UBR2: variants seen among roughly 807,000 people sequenced by gnomAD.
UBR2 encodes ubiquitin protein ligase E3 component n-recognin 2.
Under a neutral mutation model 247.9 loss-of-function variants are expected in UBR2, and 92 were observed. The ratio of observed to expected loss-of-function variants is 0.37; its 90% confidence interval spans 0.31 to 0.44. The LOEUF (loss-of-function observed/expected upper bound fraction) is 0.44. Ranked by LOEUF, UBR2 falls within the 20% of genes least tolerant of loss-of-function variation. The pLI, the probability that UBR2 is intolerant of heterozygous loss-of-function variation, is 1.00. For synonymous variants in UBR2, 672 were observed against 693.5 expected (o/e 0.97, Z 0.49); for missense variants, 1,613 against 2,112.6 (o/e 0.76, Z 4.64).
At position 42,670,645 on chromosome 6, in the gene UBR2, A is replaced by T. The variant is rs1465205714; in HGVS notation, c.4031-15A>T. 6.4e-7 allele frequency: 1 copy of T among 1,565,740 alleles called. No homozygotes were observed. The highest frequency in any genetic ancestry group is 8.7e-7 in the Non-Finnish European group (1 of 1,149,538). On this transcript the variant is annotated splice_polypyrimidine_tract_variant and intron_variant, in intron 35 of 46. Transcript: ENST00000372901. ...TAACATAACATTTACCATTTTAACC[A>T]TCTTTAATCTGTAGAAAGAATTTTG...
intron 8 of UBR2, among the ~76,000 whole-genome samples, chr6:42,612,659 A>C (rs1794170707): frequency 6.6e-6 from 1 of 152,228 alleles, no homozygotes; most frequent in Non-Finnish European, 1.5e-5. Context: ...AGCTGGAAAA[A>C]TGCTGCTGTA....
At chr6:42,595,542 T>C (rs1003154475) in intron 4 of UBR2, among the ~76,000 whole-genome samples, 3 of 151,966 alleles carry the variant, frequency 2.0e-5, no homozygotes, top group Admixed American at 2.0e-4. Context: ...ACCCAGGAGT[T>C]TGAGACCAGC....
chr6:42,672,854 G>C (rs964149407), intron 36 of UBR2, among the ~76,000 whole-genome samples: 3 of 152,068 alleles, frequency 2.0e-5, no homozygotes, highest in Non-Finnish European at 4.4e-5. Flanking sequence ...AGGAGGGGGA[G>C]AATGGGTTTT....
At position 42,605,875 on chromosome 6, in the gene UBR2, A is replaced by G; in HGVS notation, c.801+16A>G. ...AGATCGAGATGTAAGTAATTTTACC[A>G]TGTTGATAATAAATTGAATTTTTAC... On this transcript the variant is annotated intron_variant, in intron 6 of 46. Coordinates refer to ENST00000372901, the MANE Select transcript of UBR2 (RefSeq NM_001363705.2). The G allele has an allele frequency of 1.3e-6, 2 of 1,593,162 alleles. No individual in the cohort carries two copies. Among genetic ancestry groups the G allele is most frequent in the Non-Finnish European group, 1.7e-6 (2 of 1,173,344 alleles).
At chr6:42,632,069 A>AAAATAT (rs56721828) in intron 11 of UBR2, among the ~76,000 whole-genome samples, 5 of 114,078 alleles carry the variant, frequency 4.4e-5, no homozygotes, top group Middle Eastern at 4.9e-3. Context: ...AAAAAAAAAA[A>AAAATAT]ATATATATAT....
intron 11 of UBR2, among the ~76,000 whole-genome samples, chr6:42,627,667 G>GC (rs1562328113): frequency 2.7e-5 from 4 of 146,632 alleles, no homozygotes; most frequent in Non-Finnish European, 6.0e-5. Context: ...ACCTGGCTAA[G>GC]TTTTTTTTTT....
chr6:42,667,449 GTA>G (rs1798170574), intron 34 of UBR2, among the ~76,000 whole-genome samples: 1 of 151,562 alleles, frequency 6.6e-6, no homozygotes, highest in African/African-American at 2.4e-5. Context: ...TAATTAGACA[GTA>G]TCTTCACTGT....
rs781391760 is a variant in UBR2 at position 42,659,880 on chromosome 6, T to C, written c.3442+25T>C. 3 of 1,605,980 alleles carry C rather than the reference T, an allele frequency of 1.9e-6. No individual in the cohort carries two copies. Among genetic ancestry groups the C allele is most frequent in the Admixed American group, 3.3e-5 (2 of 59,854 alleles). ...GGTAAGTCATAGCTAGATCCTCATC[T>C]TCCCTTTTAATAACAACTGCCAGTT... is the stretch of plus-strand genomic sequence containing the variant. On this transcript the variant is annotated intron_variant, in intron 30 of 46. Coordinates refer to ENST00000372901, the MANE Select transcript of UBR2 (RefSeq NM_001363705.2). The surrounding 1 kb of genome is among the most constrained non-coding windows in gnomAD (Gnocchi z 4.3).
At chr6:42,576,873 T>C (rs1791555967) in intron 2 of UBR2, among the ~76,000 whole-genome samples, 1 of 152,138 alleles carries the variant, frequency 6.6e-6, no homozygotes, top group African/African-American at 2.4e-5. Flanking sequence ...CTAGGATGTA[T>C]AGTTTTTCTT....
intron 15 of UBR2, 32 bp from the exon 16 acceptor site, chr6:42,640,176 GA>G: frequency 6.4e-7 from 1 of 1,563,848 alleles, no homozygotes; most frequent in Non-Finnish European, 8.7e-7. Context: ...TTTACTGATA[GA>G]AATACTGTTT....
At chr6:42,674,654 C>T (rs1798620935) in intron 38 of UBR2, among the ~76,000 whole-genome samples, 5 of 151,796 alleles carry the variant, frequency 3.3e-5, no homozygotes, top group South Asian at 2.1e-4. Context: ...CTCAGCTACT[C>T]AGGAAAGTGA....
chr6:42,663,542 ACT>A lies in UBR2; in HGVS notation c.3698+126_3698+127del, dbSNP rs1233960049. 38 of 1,009,456 alleles carry A rather than the reference ACT, an allele frequency of 3.8e-5. No homozygotes were observed. In the East Asian group the frequency reaches 9.8e-4, roughly 26 times the overall value. 62.5% of individuals were successfully genotyped at this position (1,009,456 alleles called of 1,614,324 possible). A position where few individuals can be genotyped will look rare whatever the true frequency, so the allele number is the denominator to read the frequency against. On this transcript the variant is annotated intron_variant, in intron 32 of 46. Transcript: ENST00000372901. ...ATAGTGTTTTCCAGATACTTTCCAA[ACT>A]CTAATCATTTTCTTCTAGCAGACCT...
intron 18 of UBR2, among the ~76,000 whole-genome samples, chr6:42,643,270 C>G (rs1388944272): frequency 6.6e-6 from 1 of 152,068 alleles, no homozygotes; most frequent in Non-Finnish European, 1.5e-5. Context: ...TAGTTGTTCT[C>G]TGATACTGCT....
rs147922807 is a variant in UBR2 at position 42,659,729 on chromosome 6, G to A, written c.3316G>A (p.Val1106Ile). Residue 1106 changes from valine (V) to isoleucine (I), a missense_variant, in exon 30 of 47, where the codon GTT becomes ATT. Around this residue, in one of 3 missense-constraint regions of UBR2, gnomAD observed 1,524 missense variants for 1,967.3 expected, o/e 0.77. Transcript: ENST00000372901. This position sits in a 1 kb window ranked among gnomAD's most constrained non-coding sequence, Gnocchi z 4.3. ...TCAGGTTCCTGAACAAAGACAATTC[G>A]TTACATGTATATTGTGTCAAGAGGA... ...QTQVPEQRQF[V>I]TCILCQEEQE... is the part of the protein sequence containing the mutation. 1.2e-4 allele frequency: 201 copies of A among 1,614,016 alleles called. No individual in the cohort carries two copies. The African/African-American group carries it at 2.1e-3, about 17-fold the overall frequency.
Position 42,687,300 on chromosome 6 carries a change from C to T in UBR2, c.4854-916C>T, listed in dbSNP as rs1799492892. On this transcript the variant is annotated intron_variant, in intron 44 of 46. Transcript: ENST00000372901. ...GAGCTGGAGACCAGCCCGGCCAACACGGCGAAACCCCGTCTCCACCAAAAA... is the reference window on the plus strand; with the variant it reads ...GAGCTGGAGACCAGCCCGGCCAACATGGCGAAACCCCGTCTCCACCAAAAA... 3.3e-5 allele frequency among the ~76,000 whole-genome samples: 5 copies of T among 152,208 alleles called. No homozygotes were observed. The South Asian group carries it at 1.0e-3, about 32-fold the overall frequency.
intron 11 of UBR2, among the ~76,000 whole-genome samples, chr6:42,627,169 GAA>G (rs1795404510): frequency 6.6e-6 from 1 of 152,138 alleles, no homozygotes; most frequent in Admixed American, 6.5e-5. Flanking sequence ...ACAGGGAGTT[GAA>G]ACTGTCCACT....
At chr6:42,681,037 C>T (rs1172622664) in intron 42 of UBR2, among the ~76,000 whole-genome samples, 1 of 152,080 alleles carries the variant, frequency 6.6e-6, no homozygotes, top group African/African-American at 2.4e-5. Flanking sequence ...TTGGTAGGTG[C>T]CTGTAATCCC....
chr6:42,687,946 C>T (rs1799536718), intron 44 of UBR2, among the ~76,000 whole-genome samples: 1 of 150,490 alleles, frequency 6.6e-6, no homozygotes, highest in Admixed American at 6.7e-5. Context: ...GGCAGTGGTA[C>T]CGTTTATCTT....
intron 14 of UBR2, among the ~76,000 whole-genome samples, chr6:42,636,808 C>G (rs180864394): frequency 6.6e-6 from 1 of 152,152 alleles, no homozygotes; most frequent in African/African-American, 2.4e-5. Flanking sequence ...GGAATAACTT[C>G]TAGATTTCTG....
Sources: allele counts gnomAD v4.1 joint callset (sites outside exome capture counted in the v4.1 genomes callset), GRCh38; gene constraint gnomAD v4.1.1; regional missense constraint gnomAD v4.1.1; non-coding constraint Gnocchi (gnomAD v3.1); transcripts MANE v1.5; gene names NCBI Gene and HGNC (gene_info 2026-07-23, HGNC 2026-07-21).